Variants in ROGDI observed in about 807,000 individuals in gnomAD.
The protein encoded by ROGDI is protein rogdi homolog.
Under a neutral mutation model 43.1 loss-of-function variants are expected in ROGDI, and 46 were observed. That is an observed-to-expected ratio of 1.07 (90% confidence interval 0.84 to 1.37). ROGDI has a LOEUF of 1.37. Ranked by LOEUF, ROGDI falls within the 40% of genes most tolerant of loss-of-function variation. The pLI, the probability that ROGDI is intolerant of heterozygous loss-of-function variation, is 0.00. For missense variants in ROGDI, 518 were observed against 383.9 expected, an observed-to-expected ratio of 1.35 and a Z score of -2.92; for synonymous variants, 243 against 162.0, an observed-to-expected ratio of 1.50 and a Z score of -3.80.
At chr16:4,798,925 T>C in intron 6 of ROGDI, 4 of 520,766 alleles carry the variant, frequency 7.7e-6, no homozygotes, top group Non-Finnish European at 1.3e-5. Context: ...CAATGGGGAA[T>C]GGAAGGTCCT....
chr16:4,799,771 G>T lies in ROGDI; in HGVS notation c.347C>A (p.Ala116Asp). Residue 116 changes from alanine (A) to aspartate (D), a missense_variant, in exon 6 of 11, where the codon GCC becomes GAC. Transcript: ENST00000322048. Reference protein sequence around the residue: ...KQWKLQQIQDARNHVSQAIYL... With the variant: ...KQWKLQQIQDDRNHVSQAIYL... ...AATGGCTTGGCTCACATGGTTTCTG[G>T]CATCCTGGATCTGGAAGCAGGGGTC... 1 of 1,613,186 alleles carries T rather than the reference G, an allele frequency of 6.2e-7. No individual in the cohort carries two copies. The highest frequency in any genetic ancestry group is 8.5e-7 in the Non-Finnish European group (1 of 1,179,386).
intron 7 of ROGDI, 124 bp downstream of exon 7, chr16:4,798,445 C>T (rs1435286973): frequency 1.2e-6 from 1 of 841,440 alleles, no homozygotes; most frequent in East Asian, 2.7e-5. Context: ...ATCCCAGAAA[C>T]CTGCCTAGAC....
At chr16:4,801,988 G>A (rs1333844553) in intron 2 of ROGDI, 2 of 577,852 alleles carry the variant, frequency 3.5e-6, no homozygotes, top group Admixed American at 4.4e-5. Context: ...CTACACCCCA[G>A]CCTCGCGAAG....
In ROGDI at chr16:4,801,313, T is replaced by G. The variant is rs1262735442; in HGVS notation, c.209A>C (p.Gln70Pro). The G allele has an allele frequency of 1.9e-6, 3 of 1,607,656 alleles. No individual in the cohort carries two copies. Among genetic ancestry groups the G allele is most frequent in the African/African-American group, 2.7e-5 (2 of 74,946 alleles). Residue 70 changes from glutamine to proline, a missense_variant, in exon 4 of 11, where the codon CAG becomes CCG. Coordinates refer to ENST00000322048, the MANE Select transcript of ROGDI (RefSeq NM_024589.3). ...CTGCAGAGTCAGCACACCCTTCACC[T>G]GGTCTGTGCTGTAACATGTGGCGTC... ...NFILGSCGTD[Q>P]VKGVLTLQGD...
At chr16:4,801,478 C>A (rs762421482) in intron 3 of ROGDI, 25 bp downstream of exon 3, 2 of 1,590,594 alleles carry the variant, frequency 1.3e-6, no homozygotes, top group Admixed American at 3.6e-5. Context: ...CCCATTTCCC[C>A]GGTTTCCGCC....
At chr16:4,799,825 C>T (rs777828308) in intron 5 of ROGDI, 44 bp from the exon 6 acceptor site, 62 of 1,417,276 alleles carry the variant, frequency 4.4e-5, no homozygotes, top group Middle Eastern at 1.8e-4. Context: ...AGCTTCCATG[C>T]GGCCAGGAGG....
rs2082665845 is a variant in ROGDI at position 4,797,565 on chromosome 16, A to G, written c.823-64T>C. 12 of 1,573,492 alleles carry G rather than the reference A, an allele frequency of 7.6e-6. 1 individual carries two copies. The South Asian group carries it at 1.1e-4, about 15-fold the overall frequency. On this transcript the variant is annotated intron_variant, in intron 10 of 10. Transcript: ENST00000322048. ...ATGGGGTAGCCCAGGGGAGATGTCAAGGTCACCCAAGGACAATATGTCAGG... is the reference window on the plus strand; with the variant it reads ...ATGGGGTAGCCCAGGGGAGATGTCAGGGTCACCCAAGGACAATATGTCAGG...
chr16:4,801,430 G>T, intron 3 of ROGDI, 73 bp downstream of exon 3: 1 of 1,565,076 alleles, frequency 6.4e-7, no homozygotes. Context: ...CTGGTCTGCA[G>T]GACAGGGCTA....
chr16:4,801,827 AAAAC>A, intron 2 of ROGDI: 2 of 595,010 alleles, frequency 3.4e-6, no homozygotes, highest in Non-Finnish European at 6.0e-6. Flanking sequence ...CGGGGAATAC[AAAAC>A]AGACAGGGGC....
chr16:4,802,385 G>A lies in ROGDI; in HGVS notation c.114C>T (p.Leu38=). ...GGGGCAGGGCGCGGGTCGTTACCTT[G>A]AGGATGTCCTGCAGCTGCTTCAACA... is the stretch of plus-strand genomic sequence containing the variant. The part of the protein sequence containing the change: ...HAVLKQLQDI[L]KEASLRFTLP... The change falls in exon 2 of 11, where the codon CTC becomes CTT. Residue 38 remains leucine (L), a synonymous_variant. Transcript: ENST00000322048. 6.4e-7 allele frequency: 1 copy of A among 1,571,104 alleles called. No individual in the cohort carries two copies. Among genetic ancestry groups the A allele is most frequent in the African/African-American group, 1.4e-5 (1 of 73,310 alleles).
chr16:4,801,342 G>T, intron 3 of ROGDI, 21 bp from the exon 4 acceptor site: 1 of 1,598,840 alleles, frequency 6.3e-7, no homozygotes, highest in Non-Finnish European at 8.5e-7. Context: ...TGGCGTCAGA[G>T]CGGTGCCTGT....
At chr16:4,798,008 C>T in intron 8 of ROGDI, 21 bp from the exon 9 acceptor site, 1 of 1,613,116 alleles carries the variant, frequency 6.2e-7, no homozygotes, top group Non-Finnish European at 8.5e-7. Context: ...CAGCACCAGA[C>T]CCGTCAGGCC....
chr16:4,801,393 G>A lies in ROGDI; in HGVS notation c.201-72C>T, dbSNP rs372425811. Reference sequence around the variant, plus strand: ...ACCCAGCCCTCCCTCCCGGCGGGCTGCCCCTCCTGTCCCATCGCACAACCA... The same window carrying A: ...ACCCAGCCCTCCCTCCCGGCGGGCTACCCCTCCTGTCCCATCGCACAACCA... On this transcript the variant is annotated intron_variant, in intron 3 of 10. Transcript: ENST00000322048. 17 of 1,563,864 alleles carry A rather than the reference G, an allele frequency of 1.1e-5. No homozygotes were observed. The East Asian group carries it at 3.4e-4, about 31-fold the overall frequency.
rs8118 is a variant in ROGDI, at chr16:4,797,168, G to A, written c.*292C>T. 0.43 allele frequency: 156,425 copies of A among 365,080 alleles called. 35,247 individuals carry two copies. Among genetic ancestry groups the A allele is most frequent in the Admixed American group, 0.52 (11,857 of 22,642 alleles). The allele number at this position is 365,080 out of a possible 1,614,324, so 22.6% of individuals were successfully genotyped here. ...AAGGGGAGAGGAGGGAGAGCCCTGC[G>A]CCTGGCCCTGTCCTGAGTCCAAAGA... On this transcript the variant is annotated 3_prime_UTR_variant, in exon 11 of 11. Transcript: ENST00000322048.
At chr16:4,800,392 T>C in intron 5 of ROGDI, 106 bp downstream of exon 5, 1 of 888,116 alleles carries the variant, frequency 1.1e-6, no homozygotes, top group Non-Finnish European at 1.8e-6. Context: ...CCAGGCTTGC[T>C]GTGGCCACAG....
intron 2 of ROGDI, chr16:4,802,105 C>A: frequency 1.6e-6 from 1 of 644,584 alleles, no homozygotes; most frequent in Non-Finnish European, 2.9e-6. Context: ...CTTCGGCTCC[C>A]AGATTGGATG....
intron 2 of ROGDI, 64 bp from the exon 3 acceptor site, chr16:4,801,649 C>T: frequency 7.1e-7 from 1 of 1,413,012 alleles, no homozygotes; most frequent in Non-Finnish European, 9.7e-7. Flanking sequence ...AGTGCTCCTT[C>T]CAGAAGCCCC....
intron 5 of ROGDI, among the ~76,000 whole-genome samples, chr16:4,800,296 G>A (rs1235267008): frequency 6.6e-6 from 1 of 152,192 alleles, no homozygotes; most frequent in Non-Finnish European, 1.5e-5. Context: ...GGGCTCTCAG[G>A]CCAGGTTCTC....
chr16:4,801,657 C>A, intron 2 of ROGDI, 72 bp from the exon 3 acceptor site: 1 of 1,369,282 alleles, frequency 7.3e-7, no homozygotes, highest in South Asian at 1.2e-5. Context: ...TTCCAGAAGC[C>A]CCCCTCCCTC....
Sources: allele counts gnomAD v4.1 joint callset (sites outside exome capture counted in the v4.1 genomes callset), GRCh38; gene constraint gnomAD v4.1.1; transcripts MANE v1.5; gene names NCBI Gene and HGNC (gene_info 2026-07-23, HGNC 2026-07-21).